ASTN2: variants seen among roughly 807,000 people sequenced by gnomAD.
ASTN2 encodes astrotactin-2.
Under a neutral mutation model 139.8 loss-of-function variants are expected in ASTN2, and 54 were observed. The observed-to-expected ratio is 0.39, with a 90% CI of 0.31 to 0.48. ASTN2 has a LOEUF of 0.48. Among genes scored for constraint, ASTN2 ranks in the 20% least tolerant of loss-of-function variants. ASTN2 has a pLI of 0.95. For synonymous variants in ASTN2, 756 were observed against 719.5 expected, an observed-to-expected ratio of 1.05 and a Z score of -0.81; for missense variants, 1,565 against 1,725.1, an observed-to-expected ratio of 0.91 and a Z score of 1.64.
chr9:116,780,330 T>C (rs576163764), intron 13 of ASTN2, among the ~76,000 whole-genome samples: 3 of 152,346 alleles, frequency 2.0e-5, no homozygotes, highest in African/African-American at 7.2e-5. Flanking sequence ...TTCTCTTTAA[T>C]AGGTAATGAA....
intron 1 of ASTN2, among the ~76,000 whole-genome samples, chr9:117,317,094 C>T (rs1828167047): frequency 6.6e-6 from 1 of 152,148 alleles, no homozygotes; most frequent in Non-Finnish European, 1.5e-5. Context: ...TCTGCTGCCA[C>T]TCTCCTCACT....
At chr9:116,879,484 C>T (rs7868991) in intron 10 of ASTN2, among the ~76,000 whole-genome samples, 52,603 of 151,976 alleles carry the variant, frequency 0.35, 9,828 homozygotes, top group East Asian at 0.53. Context: ...CTGAGAAAAC[C>T]AACAACTTAT....
At chr9:117,408,343 C>A (rs1213340815) in intron 1 of ASTN2, among the ~76,000 whole-genome samples, 1 of 152,074 alleles carries the variant, frequency 6.6e-6, no homozygotes, top group African/African-American at 2.4e-5. Context: ...CTTATCTAGG[C>A]CTCAGTGTTA....
In ASTN2 at chr9:117,214,282, A is replaced by G. The variant is rs557508563; in HGVS notation, c.1015+76T>C. The G allele has an allele frequency of 7.4e-6, 11 of 1,495,748 alleles. No homozygotes were observed. In the East Asian group the frequency reaches 9.2e-5, roughly 12 times the overall value. The allele number at this position is 1,495,748 out of a possible 1,614,324, so 92.7% of individuals were successfully genotyped here. On this transcript the variant is annotated intron_variant, in intron 3 of 22. Coordinates refer to ENST00000313400, the MANE Select transcript of ASTN2 (RefSeq NM_001365068.1). ...CAGAAAACACTGCCTGTAGTCCCCA[A>G]CTGCCCAGCTTCTGCACCTCTTCCC...
At chr9:117,369,841 T>A (rs984186525) in intron 1 of ASTN2, among the ~76,000 whole-genome samples, 10 of 152,132 alleles carry the variant, frequency 6.6e-5, no homozygotes, top group African/African-American at 2.4e-4. Context: ...ACAAGAGAAT[T>A]GATTTCCCTA....
intron 16 of ASTN2, among the ~76,000 whole-genome samples, chr9:116,689,184 T>C (rs978364998): frequency 2.6e-5 from 4 of 152,200 alleles, no homozygotes; most frequent in Non-Finnish European, 5.9e-5. Context: ...TAGAGTCAGA[T>C]ACCCTGGGTT....
intron 5 of ASTN2, among the ~76,000 whole-genome samples, chr9:117,075,425 A>T (rs1348673781): frequency 6.6e-6 from 1 of 150,406 alleles, no homozygotes; most frequent in Non-Finnish European, 1.5e-5. Flanking sequence ...AGACACACCA[A>T]GAAGGCTCAT....
intron 10 of ASTN2, among the ~76,000 whole-genome samples, chr9:116,895,692 A>G (rs1483170706): frequency 6.6e-6 from 1 of 152,222 alleles, no homozygotes; most frequent in African/African-American, 2.4e-5. Flanking sequence ...AGATCAATAA[A>G]TAAGATAAAT....
intron 10 of ASTN2, among the ~76,000 whole-genome samples, chr9:116,950,278 T>C (rs554682971): frequency 1.7e-4 from 26 of 152,244 alleles, no homozygotes; most frequent in African/African-American, 6.3e-4. Flanking sequence ...TTGCTAAATG[T>C]CCCTTGGGGT....
In ASTN2 at chr9:117,383,104, T is replaced by C. The variant is rs563437698; in HGVS notation, c.442+31393A>G. On this transcript the variant is annotated intron_variant, in intron 1 of 22. Coordinates refer to ENST00000313400, the MANE Select transcript of ASTN2 (RefSeq NM_001365068.1). Reference sequence around the variant, plus strand: ...GCGTGGCTGTGTTCAAATAAAACTATTTTTAAACACTGAATCTGAAATTTC... The same window carrying C: ...GCGTGGCTGTGTTCAAATAAAACTACTTTTAAACACTGAATCTGAAATTTC... Among the ~76,000 whole-genome samples the C allele has an allele frequency of 2.0e-5, 3 of 152,342 alleles. No homozygotes were observed. The East Asian group carries it at 5.8e-4, about 29-fold the overall frequency.
intron 19 of ASTN2, among the ~76,000 whole-genome samples, chr9:116,512,643 C>T (rs1167674991): frequency 1.3e-5 from 2 of 152,118 alleles, no homozygotes; most frequent in East Asian, 1.9e-4. Flanking sequence ...GTCTAAGTCT[C>T]TTTGTAAGTC....
rs1830285014 is a variant in ASTN2, at chr9:116,783,736, G to A, written c.2396+21896C>T. 3.3e-5 allele frequency among the ~76,000 whole-genome samples: 5 copies of A among 152,224 alleles called. No individual in the cohort carries two copies. The South Asian group carries it at 1.0e-3, about 32-fold the overall frequency. On this transcript the variant is annotated intron_variant, in intron 13 of 22. Transcript: ENST00000313400. ...AAGCTACTGCCTAAACTGTGTAGAAGGAAGGCGAAATATAGGGCAGTACAG... is the reference window on the plus strand; with the variant it reads ...AAGCTACTGCCTAAACTGTGTAGAAAGAAGGCGAAATATAGGGCAGTACAG...
intron 2 of ASTN2, among the ~76,000 whole-genome samples, chr9:117,243,405 C>T (rs902664218): frequency 6.6e-6 from 1 of 152,194 alleles, no homozygotes; most frequent in South Asian, 2.1e-4. Flanking sequence ...TGGTCTCAAG[C>T]ATAGGTCTTC....
chr9:116,805,292 T>G (rs1239871118), intron 13 of ASTN2, among the ~76,000 whole-genome samples: 1 of 152,200 alleles, frequency 6.6e-6, no homozygotes. Context: ...CTGAACAGCA[T>G]GCATAAAATA....
chr9:116,697,693 G>T, intron 16 of ASTN2: 1 of 1,610,676 alleles, frequency 6.2e-7, no homozygotes, highest in Non-Finnish European at 8.5e-7. Flanking sequence ...CATGAATACT[G>T]TGCTGTTCAG....
intron 10 of ASTN2, among the ~76,000 whole-genome samples, chr9:116,864,875 C>T (rs902042599): frequency 1.3e-5 from 2 of 152,210 alleles, no homozygotes; most frequent in Admixed American, 1.3e-4. Flanking sequence ...TCCCTTCTGT[C>T]CCATCTTTCA....
At chr9:116,630,432 G>C (rs572763045) in intron 17 of ASTN2, among the ~76,000 whole-genome samples, 1 of 152,256 alleles carries the variant, frequency 6.6e-6, no homozygotes, top group African/African-American at 2.4e-5. Context: ...CACAAATCTA[G>C]GAATTAGGAC....
At chr9:117,155,693 C>G (rs548222643) in intron 3 of ASTN2, among the ~76,000 whole-genome samples, 1 of 152,172 alleles carries the variant, frequency 6.6e-6, no homozygotes, top group South Asian at 2.1e-4. Flanking sequence ...TATCCTTTAT[C>G]TGTCACCTAT....
intron 2 of ASTN2, among the ~76,000 whole-genome samples, chr9:117,239,471 T>C (rs1833143691): frequency 6.6e-6 from 1 of 152,192 alleles, no homozygotes; most frequent in Non-Finnish European, 1.5e-5. Context: ...GGGCCACTGT[T>C]GTCGGGGCAG....
Sources: allele counts gnomAD v4.1 joint callset (sites outside exome capture counted in the v4.1 genomes callset), GRCh38; gene constraint gnomAD v4.1.1; transcripts MANE v1.5; gene names NCBI Gene and HGNC (gene_info 2026-07-23, HGNC 2026-07-21).